IL1R2: variants seen among roughly 807,000 people sequenced by gnomAD.
IL1R2 encodes the protein interleukin 1 receptor type 2.
Under a neutral mutation model 39.5 loss-of-function variants are expected in IL1R2, and 46 were observed. That is an observed-to-expected ratio of 1.16 (90% CI 0.92 to 1.49). The LOEUF (loss-of-function observed/expected upper bound fraction) is 1.49. Among genes scored for constraint, IL1R2 ranks in the 40% most tolerant of loss-of-function variants. The pLI is 0.00. For synonymous variants in IL1R2, 207 were observed against 189.6 expected (o/e 1.09, Z -0.75); for missense variants, 537 against 502.0 (o/e 1.07, Z -0.67).
At chr2:102,010,874 C>T in intron 3 of IL1R2, among the ~76,000 whole-genome samples, 1 of 152,182 alleles carries the variant, frequency 6.6e-6, no homozygotes, top group East Asian at 1.9e-4. Context: ...AACTCTGAAC[C>T]CATTAAACAA....
chr2:102,014,092 A>G (rs1415743998), intron 3 of IL1R2, among the ~76,000 whole-genome samples: 1 of 152,138 alleles, frequency 6.6e-6, no homozygotes, highest in East Asian at 1.9e-4. Context: ...GAATTACCAG[A>G]TCAATAATGT....
intron 1 of IL1R2, among the ~76,000 whole-genome samples, chr2:102,000,259 A>G (rs917008313): frequency 1.3e-5 from 2 of 151,842 alleles, no homozygotes; most frequent in African/African-American, 2.4e-5. Context: ...TGTGACATCT[A>G]CTCCTCCTGT....
chr2:102,027,784 T>C (rs1677823925), intron 8 of IL1R2, among the ~76,000 whole-genome samples: 1 of 152,122 alleles, frequency 6.6e-6, no homozygotes, highest in Non-Finnish European at 1.5e-5. Flanking sequence ...ACCCAAGCAA[T>C]CGTGTTGGCC....
At chr2:101,992,756 G>C (rs560536789) in intron 1 of IL1R2, among the ~76,000 whole-genome samples, 11 of 152,292 alleles carry the variant, frequency 7.2e-5, no homozygotes, top group Non-Finnish European at 1.6e-4. Context: ...GACAGAGAGA[G>C]AGAGACGGAG....
In IL1R2 at chr2:102,023,811, G is replaced by A. The variant is rs986772393; in HGVS notation, c.752-722G>A. The stretch of plus-strand genomic sequence containing the variant: ...GGCTGTAATCCCAGCACTTTGGGAG[G>A]CCGAGGCAGGTGGATCACGAGGTTA... On this transcript the variant is annotated intron_variant, in intron 6 of 8. Coordinates refer to ENST00000332549, the MANE Select transcript of IL1R2 (RefSeq NM_004633.4). Among the ~76,000 whole-genome samples the A allele has an allele frequency of 7.2e-5, 11 of 152,010 alleles. 1 individual carries two copies. The highest frequency in any genetic ancestry group is 6.5e-4 in the Admixed American group (10 of 15,270).
intron 3 of IL1R2, among the ~76,000 whole-genome samples, chr2:102,013,545 A>G (rs1249278030): frequency 3.7e-4 from 53 of 143,748 alleles, no homozygotes; most frequent in African/African-American, 1.2e-3. Flanking sequence ...AAAAAAAAAA[A>G]AAAAAAAGGA....
chr2:102,017,880 G>A (rs921531431), intron 4 of IL1R2, among the ~76,000 whole-genome samples: 1 of 152,182 alleles, frequency 6.6e-6, no homozygotes, highest in African/African-American at 2.4e-5. Context: ...TCCTGATAGA[G>A]ACCCTAGATT....
intron 7 of IL1R2, 71 bp downstream of exon 7, chr2:102,024,739 A>G (rs3218977): frequency 0.15 from 242,537 of 1,592,236 alleles, 19,659 homozygotes; most frequent in South Asian, 0.27. Context: ...AGTTATCACT[A>G]TGACCCACAT....
intron 7 of IL1R2, among the ~76,000 whole-genome samples, chr2:102,025,440 A>G (rs757846519): frequency 2.6e-5 from 4 of 152,236 alleles, no homozygotes; most frequent in Non-Finnish European, 5.9e-5. Context: ...ACCTGGCCAC[A>G]ACTAAATGCC....
intron 4 of IL1R2, among the ~76,000 whole-genome samples, chr2:102,019,389 C>T (rs1181476577): frequency 6.6e-6 from 1 of 151,770 alleles, no homozygotes; most frequent in African/African-American, 2.4e-5. Context: ...TCTTTTTTTT[C>T]CCCTTGGACA....
Position 102,028,412 on chromosome 2 carries a change from T to A in IL1R2, c.*20T>A. 6.4e-7 allele frequency: 1 copy of A among 1,564,612 alleles called. No homozygotes were observed. Among genetic ancestry groups the A allele is most frequent in the Non-Finnish European group, 8.7e-7 (1 of 1,148,542 alleles). The stretch of plus-strand genomic sequence containing the variant: ...AAGTGAAATAAATGGAATGAAATAA[T>A]TCAAACACAAACTCCGTACGTCTTC... On this transcript the variant is annotated 3_prime_UTR_variant, in exon 9 of 9. Transcript: ENST00000332549.
chr2:102,002,229 A>G (rs1393440721), intron 1 of IL1R2, among the ~76,000 whole-genome samples: 2 of 152,154 alleles, frequency 1.3e-5, no homozygotes, highest in Non-Finnish European at 2.9e-5. Flanking sequence ...GTGAAGTTTG[A>G]TGATGTCTGC....
intron 1 of IL1R2, 96 bp from the exon 2 acceptor site, chr2:102,008,419 C>G: frequency 4.6e-6 from 3 of 652,108 alleles, no homozygotes; most frequent in Non-Finnish European, 8.4e-6. Flanking sequence ...TTCCCATTAT[C>G]CAGTGAAGCT....
Position 102,009,813 on chromosome 2 carries a change from G to T in IL1R2, c.319G>T (p.Val107Phe), listed in dbSNP as rs372743702. The change falls in exon 3 of 9, where the codon GTC (valine) becomes TTC (phenylalanine). Residue 107 changes from valine to phenylalanine, a missense_variant. Val to Phe is a conservative substitution (Grantham distance 50). Coordinates refer to ENST00000332549, the MANE Select transcript of IL1R2 (RefSeq NM_004633.4). ...PALQEDSGTY[V>F]CTTRNASYCD... The stretch of plus-strand genomic sequence containing the variant: ...CTTGCAGGAGGACTCTGGCACCTAC[G>T]TCTGCACTACTAGGTAAGTCTCCCT... 1.2e-6 allele frequency: 2 copies of T among 1,614,186 alleles called. No individual in the cohort carries two copies. Among genetic ancestry groups the T allele is most frequent in the Admixed American group, 3.3e-5 (2 of 60,028 alleles).
At position 102,008,551 on chromosome 2, in the gene IL1R2, T is replaced by C. The variant is rs1288717502; in HGVS notation, c.-25T>C. ...CTGGGTCTCAGTCCTCCACTTCCCG[T>C]GTCCTCTGGAAGTTGTCAGGAGCAA... On this transcript the variant is annotated 5_prime_UTR_variant, in exon 2 of 9. Transcript: ENST00000332549. The C allele has an allele frequency of 6.2e-7, 1 of 1,602,974 alleles. No individual in the cohort carries two copies. Among genetic ancestry groups the C allele is most frequent in the Non-Finnish European group, 8.5e-7 (1 of 1,169,956 alleles).
At position 102,024,594 on chromosome 2, in the gene IL1R2, G is replaced by T; in HGVS notation, c.813G>T (p.Met271Ile). ...GAACCGGCACACCCTTAACCACCAT[G>T]CTGTGGTGGACGGCCAATGACACCC... is the stretch of plus-strand genomic sequence containing the variant. Reference protein sequence around the residue: ...FLGTGTPLTTMLWWTANDTHI... With the variant: ...FLGTGTPLTTILWWTANDTHI... The change falls in exon 7 of 9, where the codon ATG (methionine) becomes ATT (isoleucine). Residue 271 changes from methionine to isoleucine, a missense_variant. Physicochemically the swap from Met to Ile is conservative, Grantham distance 10. Coordinates refer to ENST00000332549, the MANE Select transcript of IL1R2 (RefSeq NM_004633.4). The T allele has an allele frequency of 6.2e-7, 1 of 1,614,052 alleles. No homozygotes were observed. Among genetic ancestry groups the T allele is most frequent in the Non-Finnish European group, 8.5e-7 (1 of 1,179,960 alleles).
chr2:102,006,756 G>T (rs556176876), intron 1 of IL1R2, among the ~76,000 whole-genome samples: 1 of 152,368 alleles, frequency 6.6e-6, no homozygotes, highest in East Asian at 1.9e-4. Context: ...TGCGGAGCCA[G>T]AAGAGTCAGG....
At position 102,017,123 on chromosome 2, in the gene IL1R2, C is replaced by T. The variant is rs3218916; in HGVS notation, c.513+1072C>T. Among the ~76,000 whole-genome samples, 1,121 of 152,056 alleles carry T rather than the reference C, an allele frequency of 7.4e-3. 12 individuals are homozygous for T. The highest frequency in any genetic ancestry group is 0.025 in the African/African-American group (1,048 of 41,484). ...TTTTAAAAAGTACATGACAGCTGGG[C>T]GTGGTGGCTCACACCTATAATCCCA... is the stretch of plus-strand genomic sequence containing the variant. On this transcript the variant is annotated intron_variant, in intron 4 of 8. Transcript: ENST00000332549.
At chr2:102,010,491 G>A (rs970237172) in intron 3 of IL1R2, among the ~76,000 whole-genome samples, 6 of 151,932 alleles carry the variant, frequency 3.9e-5, no homozygotes, top group Admixed American at 3.3e-4. Context: ...CAGGAGAATG[G>A]CGTGAACCCA....
Sources: gnomAD v4.1 joint callset for allele counts (sites outside exome capture counted in the v4.1 genomes callset) on GRCh38, gnomAD v4.1.1 for gene constraint, MANE v1.5 for transcripts, NCBI Gene and HGNC (gene_info 2026-07-23, HGNC 2026-07-21) for gene names.